Variants in DMD observed in about 807,000 individuals in gnomAD.
DMD encodes the protein mutant dystrophin.
In DMD, 63 loss-of-function variants were observed where a neutral mutation model predicts 330.1. The observed-to-expected ratio is 0.19, with a 90% confidence interval of 0.16 to 0.24. The LOEUF (loss-of-function observed/expected upper bound fraction) is 0.24, where lower values mean the gene tolerates loss of function less well. Among genes scored for constraint, DMD ranks in the 10% least tolerant of loss-of-function variants. DMD has a pLI of 1.00. For missense variants in DMD, 3,344 were observed against 2,684.1 expected, an observed-to-expected ratio of 1.25 and a Z score of -5.43; for synonymous variants, 1,223 against 959.8, an observed-to-expected ratio of 1.27 and a Z score of -5.07.
At chrX:33,268,026 G>T (rs1489643746) in intron 1 of DMD, among the ~76,000 whole-genome samples, 8 of 101,418 alleles carry the variant, frequency 7.9e-5, no homozygotes, top group African/African-American at 3.1e-4. Context: ...GTCTCACTCT[G>T]TCGCCCAGGC....
At chrX:31,560,630 A>T (rs1224132535) in intron 55 of DMD, among the ~76,000 whole-genome samples, 1 of 110,764 alleles carries the variant, frequency 9.0e-6, no homozygotes, top group Non-Finnish European at 1.9e-5. Context: ...CACACTTAAA[A>T]CTTATACCCA....
chrX:31,711,303 G>A (rs1045012606), intron 52 of DMD, among the ~76,000 whole-genome samples: 9 of 110,886 alleles, frequency 8.1e-5, no homozygotes, highest in Non-Finnish European at 1.3e-4. Flanking sequence ...TCTCTTTTAT[G>A]TACCCCCTCC....
chrX:32,285,343 C>T (rs1446775229), intron 43 of DMD, among the ~76,000 whole-genome samples: 2 of 112,123 alleles, frequency 1.8e-5, no homozygotes, highest in African/African-American at 6.5e-5. Flanking sequence ...TTGGAGTAGC[C>T]CGCAGAGCCT....
intron 7 of DMD, among the ~76,000 whole-genome samples, chrX:32,791,760 T>A (rs1384741034): frequency 8.9e-6 from 1 of 111,852 alleles, no homozygotes. Flanking sequence ...CATGAAATGC[T>A]TGCATTTTTT....
At chrX:32,386,528 G>A (rs1053973342) in intron 32 of DMD, 63 bp from the exon 33 acceptor site, 10 of 1,000,027 alleles carry the variant, frequency 1.0e-5, no homozygotes, top group Non-Finnish European at 1.4e-5. Context: ...ATAATATTAT[G>A]AACAGAAATA....
At chrX:32,682,318 CT>C (rs2062487695) in intron 9 of DMD, among the ~76,000 whole-genome samples, 1 of 111,236 alleles carries the variant, frequency 9.0e-6, no homozygotes, top group African/African-American at 3.3e-5. Flanking sequence ...GAAAGCTCAT[CT>C]TAGACAGCTA....
chrX:32,562,134 T>G (rs1387596754), intron 16 of DMD, among the ~76,000 whole-genome samples: 2 of 112,106 alleles, frequency 1.8e-5, no homozygotes, highest in African/African-American at 6.5e-5. Context: ...TTTGAGTTTT[T>G]AAAGAAGTCA....
At chrX:32,431,381 C>T (rs1163034333) in intron 29 of DMD, among the ~76,000 whole-genome samples, 3 of 110,957 alleles carry the variant, frequency 2.7e-5, no homozygotes, top group East Asian at 2.8e-4. Context: ...TGAAGAAATG[C>T]CTTTTGAGCT....
At chrX:33,232,130 A>G (rs1408711605) in intron 1 of DMD, among the ~76,000 whole-genome samples, 4 of 112,161 alleles carry the variant, frequency 3.6e-5, no homozygotes, top group Admixed American at 9.5e-5. Context: ...AGAAATGAAT[A>G]CTTTATCAGA....
At chrX:32,672,350 A>C (rs1022905505) in intron 9 of DMD, among the ~76,000 whole-genome samples, 1 of 110,893 alleles carries the variant, frequency 9.0e-6, no homozygotes, top group Non-Finnish European at 1.9e-5. Context: ...TCTGGATCCA[A>C]TAAAATTAGA....
At chrX:31,707,249 T>G (rs1277368334) in intron 52 of DMD, among the ~76,000 whole-genome samples, 1 of 110,838 alleles carries the variant, frequency 9.0e-6, no homozygotes, top group African/African-American at 3.3e-5. Context: ...TAATATGAGA[T>G]GTTCATGAAA....
At chrX:31,679,980 G>A (rs926872016) in intron 52 of DMD, among the ~76,000 whole-genome samples, 3 of 112,236 alleles carry the variant, frequency 2.7e-5, no homozygotes, top group African/African-American at 6.5e-5. Context: ...GTTGCCACAG[G>A]AGTTTGCTTT....
chrX:31,350,967 C>G (rs2058375778), intron 60 of DMD, among the ~76,000 whole-genome samples: 1 of 110,668 alleles, frequency 9.0e-6, no homozygotes, highest in Admixed American at 9.7e-5. Context: ...TGTCAGTCTT[C>G]TCCTGCACTT....
Position 32,804,888 on chromosome X carries a change from T to C in DMD, c.649+4605A>G, listed in dbSNP as rs147616893. ...GCAAACCTGCAGCAGAGGGGCCTGT[T>C]TGAAGGAAAACTAAAACAGAAAGGA... is the stretch of plus-strand genomic sequence containing the variant. On this transcript the variant is annotated intron_variant, in intron 7 of 78. Transcript: ENST00000357033. 7.2e-3 allele frequency among the ~76,000 whole-genome samples: 807 copies of C among 111,878 alleles called. 9 individuals are homozygous for C. The highest frequency in any genetic ancestry group is 0.025 in the African/African-American group (768 of 30,752).
intron 2 of DMD, among the ~76,000 whole-genome samples, chrX:32,893,724 ACT>A (rs1456354685): frequency 7.2e-5 from 8 of 111,093 alleles, no homozygotes; most frequent in Non-Finnish European, 1.3e-4. Flanking sequence ...GCCCACTGAA[ACT>A]CATCTGTTTG....
intron 47 of DMD, among the ~76,000 whole-genome samples, chrX:31,885,847 T>G (rs1366969232): frequency 3.6e-5 from 4 of 110,506 alleles, no homozygotes; most frequent in Non-Finnish European, 7.6e-5. Flanking sequence ...TTTTGAAAAT[T>G]AAAACATTAC....
chrX:32,085,680 GTA>G (rs755906602), intron 44 of DMD, among the ~76,000 whole-genome samples: 7 of 95,169 alleles, frequency 7.4e-5, no homozygotes, highest in African/African-American at 1.7e-4. Flanking sequence ...ATACACACGC[GTA>G]TATATATACG....
At chrX:32,225,756 G>A (rs1025762936) in intron 43 of DMD, among the ~76,000 whole-genome samples, 2 of 107,502 alleles carry the variant, frequency 1.9e-5, no homozygotes, top group Non-Finnish European at 3.8e-5. Context: ...CTTTCGCCAT[G>A]TGAAATGCCT....
intron 44 of DMD, among the ~76,000 whole-genome samples, chrX:32,100,374 GATAT>G (rs71843068): frequency 9.9e-6 from 1 of 101,135 alleles, no homozygotes; most frequent in Non-Finnish European, 2.0e-5. Context: ...TATTTTCCCA[GATAT>G]ATATATATAT....
Sources: gnomAD v4.1 joint callset for allele counts (sites outside exome capture counted in the v4.1 genomes callset) on GRCh38, gnomAD v4.1.1 for gene constraint, MANE v1.5 for transcripts, NCBI Gene and HGNC (gene_info 2026-07-23, HGNC 2026-07-21) for gene names.